Variants in PIEZO2 observed in about 807,000 individuals in gnomAD.
PIEZO2 encodes the protein piezo-type mechanosensitive ion channel component 2.
In PIEZO2, 172 loss-of-function variants were observed where a neutral mutation model predicts 337.3. The observed-to-expected ratio is 0.51, with a 90% CI of 0.45 to 0.58. The LOEUF is 0.58. PIEZO2 is among the 20% of genes least tolerant of loss of function. PIEZO2 has a pLI of 0.00. For synonymous variants in PIEZO2, 1,251 were observed against 1,228.5 expected, an observed-to-expected ratio of 1.02 and a Z score of -0.38; for missense variants, 3,028 against 3,391.3, an observed-to-expected ratio of 0.89 and a Z score of 2.66.
In PIEZO2 at chr18:11,148,809, G is replaced by T; in HGVS notation, c.-221C>A. 1 of 463,526 alleles carries T rather than the reference G, an allele frequency of 2.2e-6. No homozygotes were observed. The highest frequency in any genetic ancestry group is 3.7e-6 in the Non-Finnish European group (1 of 266,880). The allele number at this position is 463,526 out of a possible 1,614,324, so 28.7% of individuals were successfully genotyped here. A position where few individuals can be genotyped will look rare whatever the true frequency, so the allele number is the denominator to read the frequency against. ...CGGGCTCTGGGTAGCCCCTCACCAG[G>T]CTCTTGGCGGCCACCTAGCCCGGCG... On this transcript the variant is annotated 5_prime_UTR_variant, in exon 1 of 56. Coordinates refer to ENST00000674853, the MANE Select transcript of PIEZO2 (RefSeq NM_001378183.1). The surrounding 1 kb of genome is among the most constrained non-coding windows in gnomAD (Gnocchi z 5.2).
intron 7 of PIEZO2, among the ~76,000 whole-genome samples, chr18:10,827,143 GA>G (rs1285564489): frequency 6.6e-6 from 1 of 152,076 alleles, no homozygotes; most frequent in Non-Finnish European, 1.5e-5. Flanking sequence ...ATCTCTGGTG[GA>G]AAAATAAAAA....
intron 55 of PIEZO2, among the ~76,000 whole-genome samples, chr18:10,671,989 T>G (rs2033801098): frequency 6.6e-6 from 1 of 152,218 alleles, no homozygotes; most frequent in Non-Finnish European, 1.5e-5. Context: ...ATTACAGAAC[T>G]GTTAGACTTG....
At chr18:10,910,106 A>T (rs2030327355) in intron 4 of PIEZO2, among the ~76,000 whole-genome samples, 1 of 152,240 alleles carries the variant, frequency 6.6e-6, no homozygotes, top group African/African-American at 2.4e-5. Flanking sequence ...ACAGAGACAA[A>T]CACATTTTCA....
rs1029849547 is a variant in PIEZO2, at chr18:10,859,885, G to A, written c.493-2674C>T. On this transcript the variant is annotated intron_variant, in intron 5 of 55. Coordinates refer to ENST00000674853, the MANE Select transcript of PIEZO2 (RefSeq NM_001378183.1). This position sits in a 1 kb window ranked among gnomAD's most constrained non-coding sequence, Gnocchi z 4.9. Reference sequence around the variant, plus strand: ...GTGCTGGAGGAGAGGGGAGGGAGTGGTGGGGCTGAAGTGAAGATCCTGTCT... The same window carrying A: ...GTGCTGGAGGAGAGGGGAGGGAGTGATGGGGCTGAAGTGAAGATCCTGTCT... 6.6e-6 allele frequency among the ~76,000 whole-genome samples: 1 copy of A among 152,256 alleles called. No individual in the cohort carries two copies. The highest frequency in any genetic ancestry group is 2.4e-5 in the African/African-American group (1 of 41,534).
chr18:10,926,521 G>GA (rs965367044), intron 3 of PIEZO2, among the ~76,000 whole-genome samples: 3 of 152,028 alleles, frequency 2.0e-5, no homozygotes, highest in Non-Finnish European at 4.4e-5. Flanking sequence ...ATCAACTACA[G>GA]AAAAAAGCAG....
In PIEZO2 at chr18:10,837,738, T is replaced by C. The variant is rs1364693981; in HGVS notation, c.917+17615A>G. Among the ~76,000 whole-genome samples, 2 of 152,004 alleles carry C rather than the reference T, an allele frequency of 1.3e-5. No homozygotes were observed. Among genetic ancestry groups the C allele is most frequent in the Non-Finnish European group, 2.9e-5 (2 of 68,006 alleles). ...TTGTGTTCCCAACCATTTTATAAAA[T>C]TTCCTCATTTTTTTTTGTTGTTGTT... On this transcript the variant is annotated intron_variant, in intron 7 of 55. Transcript: ENST00000674853. The surrounding 1 kb of genome is among the most constrained non-coding windows in gnomAD (Gnocchi z 4.4).
rs2041726782 is a variant in PIEZO2 at position 10,857,085 on chromosome 18, C to T, written c.619G>A (p.Val207Met). ...KLKMFRRLAS[V>M]ASKLKEFIGN... is the part of the protein sequence containing the mutation. ...ATGAACTCCTTGAGCTTAGAGGCCA[C>T]AGAGGCAAGCCTGCGGAACATTTTT... Residue 207 changes from valine (V) to methionine (M), a missense_variant, in exon 6 of 56, where the codon GTG becomes ATG. By Grantham distance (21) the Val-to-Met change is conservative. Transcript: ENST00000674853. 2 of 1,537,528 alleles carry T rather than the reference C, an allele frequency of 1.3e-6. No homozygotes were observed. The highest frequency in any genetic ancestry group is 1.7e-6 in the Non-Finnish European group (2 of 1,146,976).
Position 10,856,909 on chromosome 18 carries a change from G to GT in PIEZO2, c.703+91dup. On this transcript the variant is annotated intron_variant, in intron 6 of 55. Coordinates refer to ENST00000674853, the MANE Select transcript of PIEZO2 (RefSeq NM_001378183.1). The surrounding 1 kb of genome is among the most constrained non-coding windows in gnomAD (Gnocchi z 4.7). ...TGATATTCATGTGGTGGAACAGACT[G>GT]TTTCCTTCATTTCTTCTTCAACCAT... is the stretch of plus-strand genomic sequence containing the variant. 8.4e-7 allele frequency: 1 copy of GT among 1,185,198 alleles called. No homozygotes were observed. The highest frequency in any genetic ancestry group is 1.4e-5 in the South Asian group (1 of 72,118). 73.4% of individuals were successfully genotyped at this position (1,185,198 alleles called of 1,614,324 possible). A position where few individuals can be genotyped will look rare whatever the true frequency, so the allele number is the denominator to read the frequency against.
chr18:10,689,600 C>T (rs1432477512), intron 49 of PIEZO2, 55 bp downstream of exon 49: 114 of 1,610,576 alleles, frequency 7.1e-5, no homozygotes, highest in Non-Finnish European at 9.3e-5. Context: ...ATCTTATAAC[C>T]AGCCTGTATC....
Position 10,979,588 on chromosome 18 carries a change from T to C in PIEZO2, c.233A>G (p.His78Arg). 2.0e-6 allele frequency: 3 copies of C among 1,536,196 alleles called. No homozygotes were observed. Among genetic ancestry groups the C allele is most frequent in the Non-Finnish European group, 2.6e-6 (3 of 1,146,096 alleles). Residue 78 changes from histidine to arginine, a missense_variant, in exon 3 of 56, where the codon CAC becomes CGC. By Grantham distance (29) the His-to-Arg change is conservative. Around this residue, in one of 5 missense-constraint regions of PIEZO2, gnomAD observed 542 missense variants for 605.6 expected, o/e 0.89. Transcript: ENST00000674853. This position sits in a 1 kb window ranked among gnomAD's most constrained non-coding sequence, Gnocchi z 4.0. ...AGCTTCAAGGCTCACCAACGTGATG[T>C]GGAAAATGATGTGCAGCAACAGGAA... ...LSFLLLHIIF[H>R]ITLVSLEAQH...
rs970201603 is a variant in PIEZO2, at chr18:10,926,287, C to G, written c.287-15059G>C. 2.6e-5 allele frequency among the ~76,000 whole-genome samples: 4 copies of G among 152,178 alleles called. 1 individual carries two copies. The South Asian group carries it at 6.2e-4, about 24-fold the overall frequency. ...CCCAACTCCACATTCAGCGGCGTCA[C>G]GTTCACAGCTTGGCATCGCCCATGG... is the stretch of plus-strand genomic sequence containing the variant. On this transcript the variant is annotated intron_variant, in intron 3 of 55. Coordinates refer to ENST00000674853, the MANE Select transcript of PIEZO2 (RefSeq NM_001378183.1).
intron 1 of PIEZO2, among the ~76,000 whole-genome samples, chr18:11,114,668 CAAA>C (rs35996894): frequency 6.9e-6 from 1 of 144,114 alleles, no homozygotes; most frequent in Admixed American, 6.9e-5. Context: ...CTGTCTTAAA[CAAA>C]AAAAAAAAGG....
At chr18:10,702,436 T>C (rs933353984) in intron 42 of PIEZO2, among the ~76,000 whole-genome samples, 1 of 152,244 alleles carries the variant, frequency 6.6e-6, no homozygotes, top group Non-Finnish European at 1.5e-5. Flanking sequence ...CCGCTTTGAT[T>C]AGTCATTTCC....
At chr18:10,967,236 C>T (rs1269476933) in intron 3 of PIEZO2, among the ~76,000 whole-genome samples, 3 of 152,074 alleles carry the variant, frequency 2.0e-5, no homozygotes, top group Non-Finnish European at 4.4e-5. Context: ...CCAGGTTGGT[C>T]TCAATCTCCT....
rs1032376682 is a variant in PIEZO2, at chr18:10,759,798, C to T, written c.3562G>A (p.Ala1188Thr). ...VLYRRRRKAI[A>T]EIWPKYCCFL... ...CAGCAGTACTTGGGCCAGATCTCTG[C>T]GATGGCTTTCCTTCTGCGTCTATAT... The change falls in exon 25 of 56, where the codon GCA becomes ACA. Residue 1188 changes from alanine (A) to threonine (T), a missense_variant. By Grantham distance (58) the Ala-to-Thr change is moderately conservative. Coordinates refer to ENST00000674853, the MANE Select transcript of PIEZO2 (RefSeq NM_001378183.1). The surrounding 1 kb of genome is among the most constrained non-coding windows in gnomAD (Gnocchi z 5.5). The T allele has an allele frequency of 3.8e-5, 58 of 1,537,198 alleles. 1 individual carries two copies. The highest frequency in any genetic ancestry group is 4.9e-5 in the East Asian group (2 of 40,934).
At chr18:10,749,467 T>G (rs371539213) in intron 29 of PIEZO2, among the ~76,000 whole-genome samples, 2 of 147,526 alleles carry the variant, frequency 1.4e-5, no homozygotes, top group East Asian at 2.0e-4. Context: ...TTGAAATATT[T>G]TTTTAAAAAT....
chr18:10,996,467 C>T (rs1052359829), intron 2 of PIEZO2, among the ~76,000 whole-genome samples: 1 of 152,288 alleles, frequency 6.6e-6, no homozygotes, highest in Admixed American at 6.5e-5. Flanking sequence ...AAAACATTGT[C>T]GTCACTCCAA....
At chr18:10,688,157 G>T (rs1433239343) in intron 49 of PIEZO2, among the ~76,000 whole-genome samples, 1 of 151,048 alleles carries the variant, frequency 6.6e-6, no homozygotes, top group African/African-American at 2.4e-5. Flanking sequence ...CCCTCCCCTT[G>T]CCCCCTACCC....
intron 3 of PIEZO2, among the ~76,000 whole-genome samples, chr18:10,930,234 C>A (rs991719878): frequency 6.6e-6 from 1 of 152,198 alleles, no homozygotes; most frequent in Non-Finnish European, 1.5e-5. Context: ...GTCTGACACC[C>A]TTTAAGATCC....
Sources: gnomAD v4.1 joint callset for allele counts (sites outside exome capture counted in the v4.1 genomes callset) on GRCh38, gnomAD v4.1.1 for gene constraint, gnomAD v4.1.1 regional missense constraint, Gnocchi (gnomAD v3.1) non-coding constraint, MANE v1.5 for transcripts, NCBI Gene and HGNC (gene_info 2026-07-23, HGNC 2026-07-21) for gene names.